Variants in USP49 observed in about 807,000 individuals in gnomAD.
The protein encoded by USP49 is ubiquitin carboxyl-terminal hydrolase 49.
USP49 carries 24 observed loss-of-function variants against 58.6 expected under a neutral mutation model. The ratio of observed to expected loss-of-function variants is 0.41; its 90% CI spans 0.30 to 0.58. The LOEUF (loss-of-function observed/expected upper bound fraction) is 0.58. USP49 is among the 20% of genes least tolerant of loss of function. USP49 has a pLI of 0.30. For missense variants in USP49, 703 were observed against 866.1 expected (o/e 0.81, Z 2.36); for synonymous variants, 408 against 365.1 (o/e 1.12, Z -1.34).
intron 3 of USP49, among the ~76,000 whole-genome samples, chr6:41,844,413 G>A (rs7744783): frequency 0.44 from 67,095 of 151,418 alleles, 15,099 homozygotes; most frequent in Middle Eastern, 0.49. Context: ...TGCCTCCCAG[G>A]TTCAAGCGAT....
chr6:41,816,486 C>G (rs557758022), intron 3 of USP49, among the ~76,000 whole-genome samples: 1 of 152,196 alleles, frequency 6.6e-6, no homozygotes, highest in South Asian at 2.1e-4. Flanking sequence ...TCAGGTCTCC[C>G]TTCCTTGAAA....
intron 3 of USP49, among the ~76,000 whole-genome samples, chr6:41,865,953 C>T (rs540940039): frequency 7.9e-4 from 108 of 136,432 alleles, no homozygotes; most frequent in African/African-American, 2.9e-3. Flanking sequence ...GACAGAGTCT[C>T]CCTCTGTCGC....
chr6:41,844,251 T>C (rs528350864), intron 3 of USP49, among the ~76,000 whole-genome samples: 16 of 152,140 alleles, frequency 1.1e-4, no homozygotes, highest in African/African-American at 3.9e-4. Flanking sequence ...AAGCAAACAA[T>C]TTTCTAAATG....
rs1378780055 is a variant in USP49, at chr6:41,805,745, C to T, written c.1239G>A (p.Gln413=). The change falls in exon 4 of 8, where the codon CAG becomes CAA. Residue 413 remains glutamine (Q), a synonymous_variant. Transcript: ENST00000682992. ...GTGTGGTGCCCTCAGACTCGAGTTC[C>T]TGCTGCACCTTGTGCAGCAGCTCGC... ...FLCELLHKVQ[Q]ELESEGTTRR... 2.5e-6 allele frequency: 4 copies of T among 1,614,156 alleles called. No individual in the cohort carries two copies. The East Asian group carries it at 6.7e-5, about 27-fold the overall frequency.
In USP49 at chr6:41,873,237, G is replaced by A. The variant is rs532151942; in HGVS notation, c.-102-1600C>T. 7.2e-5 allele frequency among the ~76,000 whole-genome samples: 11 copies of A among 152,160 alleles called. No homozygotes were observed. In the South Asian group the frequency reaches 2.3e-3, roughly 32 times the overall value. On this transcript the variant is annotated intron_variant, in intron 2 of 7. Transcript: ENST00000682992. ...ACAGGAATGTTTTAGTAGGGAAGTTGTTTGCATTAATGCAAAGGCTCACTC... is the reference window on the plus strand; with the variant it reads ...ACAGGAATGTTTTAGTAGGGAAGTTATTTGCATTAATGCAAAGGCTCACTC...
In USP49 at chr6:41,806,620, A is replaced by T; in HGVS notation, c.364T>A (p.Ser122Thr). Residue 122 changes from serine (S) to threonine (T), a missense_variant, in exon 4 of 8, where the codon TCG becomes ACG. Ser to Thr is a moderately conservative substitution (Grantham distance 58). Transcript: ENST00000682992. This position sits in a 1 kb window ranked among gnomAD's most constrained non-coding sequence, Gnocchi z 5.9. Reference protein sequence around the residue: ...RRGRTLRSMASGEDVVLPQRA... With the variant: ...RRGRTLRSMATGEDVVLPQRA... ...TGCGGCAGGACCACGTCCTCACCCG[A>T]AGCCATGGACCGCAGCGTCCGCCCA... 1 of 1,611,382 alleles carries T rather than the reference A, an allele frequency of 6.2e-7. No homozygotes were observed. The highest frequency in any genetic ancestry group is 8.5e-7 in the Non-Finnish European group (1 of 1,179,374).
At chr6:41,831,937 T>C (rs1417608982) in intron 3 of USP49, among the ~76,000 whole-genome samples, 1 of 152,212 alleles carries the variant, frequency 6.6e-6, no homozygotes, top group Non-Finnish European at 1.5e-5. Context: ...CTATCCTTCC[T>C]CTTCTGTACT....
In USP49 at chr6:41,796,677, G is replaced by A. The variant is rs759312370; in HGVS notation, c.1923C>T (p.Val641=). 1.5e-5 allele frequency: 11 copies of A among 717,206 alleles called. No individual in the cohort carries two copies. The highest frequency in any genetic ancestry group is 1.7e-5 in the African/African-American group (1 of 57,160). 44.4% of individuals were successfully genotyped at this position (717,206 alleles called of 1,614,324 possible). Residue 641 remains valine (V), a synonymous_variant, in exon 8 of 8, where the codon GTC becomes GTT. Coordinates refer to ENST00000682992, the MANE Select transcript of USP49 (RefSeq NM_001286554.2). The part of the protein sequence containing the change: ...CNDSKLNVCS[V]EEVCKTQAYI... ...AGGCCTGGGTTTTGCACACTTCCTCGACACTGCATACATTCAGCTTTGAGT... is the reference window on the plus strand; with the variant it reads ...AGGCCTGGGTTTTGCACACTTCCTCAACACTGCATACATTCAGCTTTGAGT...
intron 3 of USP49, among the ~76,000 whole-genome samples, chr6:41,867,293 G>A (rs975270506): frequency 1.3e-5 from 2 of 152,042 alleles, no homozygotes; most frequent in African/African-American, 2.4e-5. Context: ...ACAACTTTCT[G>A]CTGACTGTCA....
chr6:41,845,283 C>T (rs1460296232), intron 3 of USP49, among the ~76,000 whole-genome samples: 1 of 152,020 alleles, frequency 6.6e-6, no homozygotes, highest in Non-Finnish European at 1.5e-5. Flanking sequence ...CACCCATGTA[C>T]TCCCAGCACT....
At chr6:41,797,812 A>G (rs1466779038) in intron 7 of USP49, 3 of 985,702 alleles carry the variant, frequency 3.0e-6, no homozygotes, top group Non-Finnish European at 2.4e-6. Flanking sequence ...ACTTTTGATA[A>G]TACTACAATA....
chr6:41,883,779 C>T (rs1369183271), intron 2 of USP49, among the ~76,000 whole-genome samples: 1 of 152,146 alleles, frequency 6.6e-6, no homozygotes, highest in Non-Finnish European at 1.5e-5. Context: ...TCAACAGCCT[C>T]ATAGTACTTA....
At chr6:41,809,262 C>T (rs1389709444) in intron 3 of USP49, among the ~76,000 whole-genome samples, 1 of 151,112 alleles carries the variant, frequency 6.6e-6, no homozygotes, top group African/African-American at 2.4e-5. Flanking sequence ...GTGGCTCATG[C>T]CTGTAATCCC....
chr6:41,807,050 A>G, intron 3 of USP49, 39 bp from the exon 4 acceptor site: 1 of 1,327,832 alleles, frequency 7.5e-7, no homozygotes. Flanking sequence ...AAAGAAAAAG[A>G]AAACACTTTT....
In USP49 at chr6:41,861,774, C is replaced by G. The variant is rs75717345; in HGVS notation, c.-29+9790G>C. On this transcript the variant is annotated intron_variant, in intron 3 of 7. Coordinates refer to ENST00000682992, the MANE Select transcript of USP49 (RefSeq NM_001286554.2). ...GCAGGAGTGCAGTGATCTCGGCTCA[C>G]TGCAACCTCCACCTTCCTGGTTCAA... 4.8e-3 allele frequency among the ~76,000 whole-genome samples: 735 copies of G among 151,894 alleles called. 8 individuals carry two copies. The highest frequency in any genetic ancestry group is 0.017 in the African/African-American group (693 of 41,424).
intron 3 of USP49, 125 bp downstream of exon 3, chr6:41,871,439 A>T (rs1447240066): frequency 6.6e-6 from 1 of 152,186 alleles, no homozygotes; most frequent in Non-Finnish European, 1.5e-5. Flanking sequence ...GAAAGTTCAG[A>T]ATGGAGTTAG....
chr6:41,873,526 T>C (rs1480345569), intron 2 of USP49, among the ~76,000 whole-genome samples: 4 of 152,230 alleles, frequency 2.6e-5, no homozygotes, highest in African/African-American at 9.6e-5. Context: ...ACCGTATCCA[T>C]GAAAAGCTAA....
At chr6:41,879,477 G>C (rs540742687) in intron 2 of USP49, among the ~76,000 whole-genome samples, 1 of 152,074 alleles carries the variant, frequency 6.6e-6, no homozygotes, top group South Asian at 2.1e-4. Flanking sequence ...ATTGTGCTAA[G>C]ACAAACCAGA....
At position 41,806,711 on chromosome 6, in the gene USP49, G is replaced by A. The variant is rs760069391; in HGVS notation, c.273C>T (p.Asp91=). 2.1e-5 allele frequency: 34 copies of A among 1,614,118 alleles called. No individual in the cohort carries two copies. In the Admixed American group the frequency reaches 5.5e-4, roughly 26 times the overall value. ...GGAGGGAGCTTCTTAGCAGCTTCAG[G>A]TCCCCCTCTGGGTTATCATTGAGCA... ...DYVLNDNPEG[D]LKLLRSSLLA... is the part of the protein sequence containing the mutation. Residue 91 remains aspartate (D), a synonymous_variant, in exon 4 of 8, where the codon GAC becomes GAT. Coordinates refer to ENST00000682992, the MANE Select transcript of USP49 (RefSeq NM_001286554.2). The surrounding 1 kb of genome is among the most constrained non-coding windows in gnomAD (Gnocchi z 5.9).
Sources: gnomAD v4.1 joint callset for allele counts (sites outside exome capture counted in the v4.1 genomes callset) on GRCh38, gnomAD v4.1.1 for gene constraint, Gnocchi (gnomAD v3.1) non-coding constraint, MANE v1.5 for transcripts, NCBI Gene and HGNC (gene_info 2026-07-23, HGNC 2026-07-21) for gene names.